Variants in FLT1 observed in about 807,000 individuals in gnomAD.
FLT1 encodes the protein fms related receptor tyrosine kinase 1.
FLT1 carries 49 observed loss-of-function variants against 156.3 expected under a neutral mutation model. That is an observed-to-expected ratio of 0.31 (90% CI 0.25 to 0.40). The LOEUF (loss-of-function observed/expected upper bound fraction) is 0.40. Among genes scored for constraint, FLT1 ranks in the 10% least tolerant of loss-of-function variants. The pLI, the probability that FLT1 is intolerant of heterozygous loss-of-function variation, is 1.00. For missense variants in FLT1, 1,322 were observed against 1,637.2 expected, an observed-to-expected ratio of 0.81 and a Z score of 3.32; for synonymous variants, 594 against 583.8, an observed-to-expected ratio of 1.02 and a Z score of -0.25.
intron 23 of FLT1, 62 bp downstream of exon 23, chr13:28,321,401 C>T (rs1330118768): frequency 1.3e-6 from 2 of 1,584,854 alleles, no homozygotes; most frequent in African/African-American, 1.3e-5. Flanking sequence ...AAATATTTAC[C>T]AAGTCTGTGG....
chr13:28,345,890 G>T, intron 15 of FLT1: 1 of 236,132 alleles, frequency 4.2e-6, no homozygotes, highest in East Asian at 9.0e-5. Flanking sequence ...AATTAAGGCA[G>T]GAACAAAAGC....
chr13:28,339,027 G>T, intron 17 of FLT1, 141 bp downstream of exon 17: 2 of 700,404 alleles, frequency 2.9e-6, no homozygotes, highest in Non-Finnish European at 4.8e-6. Flanking sequence ...TTACTTTTGT[G>T]TCCATCTCCC....
chr13:28,332,569 G>C (rs1871972000), intron 18 of FLT1, among the ~76,000 whole-genome samples: 1 of 152,172 alleles, frequency 6.6e-6, no homozygotes, highest in Non-Finnish European at 1.5e-5. Context: ...CCAATTCCAG[G>C]AGGCCAGGTC....
intron 1 of FLT1, among the ~76,000 whole-genome samples, chr13:28,476,359 G>A (rs1336391600): frequency 6.6e-6 from 1 of 152,178 alleles, no homozygotes; most frequent in Non-Finnish European, 1.5e-5. Context: ...ACTCACTGCT[G>A]ACTAATCCCT....
intron 15 of FLT1, chr13:28,345,810 C>T (rs1179690611): frequency 2.9e-5 from 11 of 379,750 alleles, no homozygotes; most frequent in Non-Finnish European, 5.3e-5. Context: ...ATTTTGCTGT[C>T]AAGTTTGCAA....
Position 28,337,304 on chromosome 13 carries a change from A to T in FLT1, c.2488+1864T>A, listed in dbSNP as rs145962021. Among the ~76,000 whole-genome samples, 415 of 152,310 alleles carry T rather than the reference A, an allele frequency of 2.7e-3. 1 individual carries two copies. Among genetic ancestry groups the T allele is most frequent in the African/African-American group, 9.8e-3 (408 of 41,554 alleles). ...TGCTGATAGTAACCAACAAGTAGAT[A>T]CAGCTGAAACCAGATATAACCTTGT... On this transcript the variant is annotated intron_variant, in intron 17 of 29. Transcript: ENST00000282397.
intron 10 of FLT1, among the ~76,000 whole-genome samples, chr13:28,415,534 G>T (rs1359813712): frequency 6.6e-6 from 1 of 152,112 alleles, no homozygotes; most frequent in African/African-American, 2.4e-5. Flanking sequence ...AACAGAGTTT[G>T]CTCACTCCTA....
intron 15 of FLT1, among the ~76,000 whole-genome samples, chr13:28,357,265 C>T (rs531759105): frequency 3.3e-5 from 5 of 152,150 alleles, no homozygotes; most frequent in African/African-American, 1.2e-4. Context: ...TGTGGCAGGG[C>T]GTAATAACAC....
chr13:28,377,972 G>A (rs913721852), intron 14 of FLT1, among the ~76,000 whole-genome samples: 1 of 151,572 alleles, frequency 6.6e-6, no homozygotes, highest in African/African-American at 2.4e-5. Flanking sequence ...TAAAAAAAAT[G>A]CTTTATGTGA....
chr13:28,408,894 A>C (rs1260254477), intron 10 of FLT1, among the ~76,000 whole-genome samples: 1 of 150,700 alleles, frequency 6.6e-6, no homozygotes, highest in African/African-American at 2.4e-5. Flanking sequence ...ATAACCCCTG[A>C]AAGGAAAAAA....
chr13:28,357,556 T>C lies in FLT1; in HGVS notation c.2246A>G (p.Gln749Arg), dbSNP rs763257474. The stretch of plus-strand genomic sequence containing the variant: ...TGCTTTCTTAAGCAGCTGTTTACCT[T>C]GAACAGTGAGGTATGCTGAACTTTC... ...SVESSAYLTV[Q>R]GTSDKSNLEL... Residue 749 changes from glutamine (Q) to arginine (R), a missense_variant and splice_region_variant, in exon 15 of 30, where the codon CAA becomes CGA. Around this residue, in one of 3 missense-constraint regions of FLT1, gnomAD observed 991 missense variants for 1,254.8 expected, o/e 0.79. Coordinates refer to ENST00000282397, the MANE Select transcript of FLT1 (RefSeq NM_002019.4). 1 of 1,614,126 alleles carries C rather than the reference T, an allele frequency of 6.2e-7. No homozygotes were observed. Among genetic ancestry groups the C allele is most frequent in the Non-Finnish European group, 8.5e-7 (1 of 1,179,984 alleles).
At chr13:28,311,900 C>G in intron 26 of FLT1, 93 bp downstream of exon 26, 2 of 1,076,770 alleles carry the variant, frequency 1.9e-6, no homozygotes, top group Non-Finnish European at 2.8e-6. Context: ...CTGATCTCAG[C>G]TATTATATTA....
At chr13:28,332,047 G>C (rs75661456) in intron 18 of FLT1, among the ~76,000 whole-genome samples, 7,849 of 152,012 alleles carry the variant, frequency 0.052, 697 homozygotes, top group African/African-American at 0.18. Context: ...GCAAGATGGC[G>C]ATACTGTCTC....
At chr13:28,319,094 G>A (rs1871330633) in intron 24 of FLT1, among the ~76,000 whole-genome samples, 1 of 152,122 alleles carries the variant, frequency 6.6e-6, no homozygotes, top group Admixed American at 6.5e-5. Flanking sequence ...TAGAGGTGTG[G>A]GTGTTGAGGA....
At chr13:28,487,560 T>C (rs929030191) in intron 1 of FLT1, among the ~76,000 whole-genome samples, 3 of 152,186 alleles carry the variant, frequency 2.0e-5, no homozygotes, top group Non-Finnish European at 4.4e-5. Context: ...CGTGATAATC[T>C]GTGAAAAGGT....
intron 1 of FLT1, among the ~76,000 whole-genome samples, chr13:28,475,124 T>C (rs957734119): frequency 3.3e-5 from 5 of 152,224 alleles, no homozygotes; most frequent in Non-Finnish European, 7.3e-5. Flanking sequence ...AAACTTGCTG[T>C]TCCCTCCCCC....
At position 28,312,063 on chromosome 13, in the gene FLT1, G is replaced by A; in HGVS notation, c.3422C>T (p.Pro1141Leu). Residue 1141 changes from proline (P) to leucine (L), a missense_variant, in exon 26 of 30, where the codon CCA becomes CTA. Physicochemically the swap from Pro to Leu is moderately conservative, Grantham distance 98. Transcript: ENST00000282397. ...QIMLDCWHRDPKERPRFAELV... is the reference protein window; with the variant it reads ...QIMLDCWHRDLKERPRFAELV... ...TTCTGCAAATCTTGGCCTTTCTTTT[G>A]GGTCTCTGTGCCAGCAGTCCAGCAT... 6.2e-7 allele frequency: 1 copy of A among 1,613,744 alleles called. No homozygotes were observed.
chr13:28,432,021 C>A lies in FLT1; in HGVS notation c.814-711G>T, dbSNP rs79061145. On this transcript the variant is annotated intron_variant, in intron 6 of 29. Coordinates refer to ENST00000282397, the MANE Select transcript of FLT1 (RefSeq NM_002019.4). ...GTCCCAGGTTTGTCTCAGAGAAGATCAAGAATTAGCCTTAGGCTCTGCAAT... is the reference window on the plus strand; with the variant it reads ...GTCCCAGGTTTGTCTCAGAGAAGATAAAGAATTAGCCTTAGGCTCTGCAAT... Among the ~76,000 whole-genome samples, 483 of 152,272 alleles carry A rather than the reference C, an allele frequency of 3.2e-3. 4 individuals carry two copies. Among genetic ancestry groups the A allele is most frequent in the African/African-American group, 0.011 (466 of 41,544 alleles).
rs143703839 is a variant in FLT1, at chr13:28,433,923, G to T, written c.709C>A (p.Pro237Thr). The T allele has an allele frequency of 5.0e-6, 8 of 1,613,978 alleles. No individual in the cohort carries two copies. The African/African-American group carries it at 1.1e-4, about 22-fold the overall frequency. Residue 237 changes from proline (P) to threonine (T), a missense_variant, in exon 6 of 30, where the codon CCA (proline) becomes ACA (threonine). By Grantham distance (38) the Pro-to-Thr change is conservative. Around this residue, in one of 3 missense-constraint regions of FLT1, gnomAD observed 991 missense variants for 1,254.8 expected, o/e 0.79. Coordinates refer to ENST00000282397, the MANE Select transcript of FLT1 (RefSeq NM_002019.4). ...NTIIDVQIST[P>T]RPVKLLRGHT... ...CCTCTAAGTAATTTGACTGGGCGTGGTGTGCTTATTTGGACATCTATGATT... is the reference window on the plus strand; with the variant it reads ...CCTCTAAGTAATTTGACTGGGCGTGTTGTGCTTATTTGGACATCTATGATT...
Sources: allele counts gnomAD v4.1 joint callset (sites outside exome capture counted in the v4.1 genomes callset), GRCh38; gene constraint gnomAD v4.1.1; regional missense constraint gnomAD v4.1.1; transcripts MANE v1.5; gene names NCBI Gene and HGNC (gene_info 2026-07-23, HGNC 2026-07-21).